CTNNA3: variants seen among roughly 807,000 people sequenced by gnomAD.
The protein encoded by CTNNA3 is catenin alpha 3.
In CTNNA3, 76 loss-of-function variants were observed where a neutral mutation model predicts 95.7. The observed-to-expected ratio is 0.79, with a 90% CI of 0.66 to 0.96. CTNNA3 has a LOEUF of 0.96. Among genes scored for constraint, CTNNA3 ranks in the 40% least tolerant of loss-of-function variants. The pLI is 0.00. For missense variants in CTNNA3, 1,191 were observed against 1,089.8 expected (o/e 1.09, Z -1.31); for synonymous variants, 431 against 374.4 (o/e 1.15, Z -1.74).
intron 5 of CTNNA3, among the ~76,000 whole-genome samples, chr10:67,428,418 G>A (rs1845993587): frequency 6.6e-6 from 1 of 152,012 alleles, no homozygotes; most frequent in African/African-American, 2.4e-5. Flanking sequence ...TAGAATTAGA[G>A]AGATGTAAAT....
intron 12 of CTNNA3, among the ~76,000 whole-genome samples, chr10:66,297,150 T>C (rs145685068): frequency 1.2e-4 from 18 of 152,130 alleles, no homozygotes; most frequent in African/African-American, 4.3e-4. Context: ...AAGAGAAGAA[T>C]GGCAGTAGAT....
At chr10:67,403,135 G>A (rs115244264) in intron 5 of CTNNA3, among the ~76,000 whole-genome samples, 2,500 of 152,276 alleles carry the variant, frequency 0.016, 65 homozygotes, top group African/African-American at 0.057. Context: ...AAACAGTCTG[G>A]ACAAGTAAGG....
intron 11 of CTNNA3, among the ~76,000 whole-genome samples, chr10:66,518,437 C>G (rs545902645): frequency 1.3e-5 from 2 of 152,026 alleles, no homozygotes; most frequent in African/African-American, 4.8e-5. Context: ...CCAAAAGAAC[C>G]GAGAAACAGA....
At chr10:67,482,374 C>T (rs1237558348) in intron 5 of CTNNA3, among the ~76,000 whole-genome samples, 9 of 152,192 alleles carry the variant, frequency 5.9e-5, no homozygotes, top group Admixed American at 1.3e-4. Flanking sequence ...ATTCTTCCTA[C>T]CCATGAGCAT....
At chr10:66,825,782 A>C (rs1842485796) in intron 7 of CTNNA3, among the ~76,000 whole-genome samples, 1 of 151,998 alleles carries the variant, frequency 6.6e-6, no homozygotes, top group Non-Finnish European at 1.5e-5. Context: ...AGGATTGTGG[A>C]GCCCTCATTT....
At chr10:66,437,308 G>A (rs1332535059) in intron 11 of CTNNA3, among the ~76,000 whole-genome samples, 12 of 152,128 alleles carry the variant, frequency 7.9e-5, no homozygotes, top group African/African-American at 2.9e-4. Context: ...CAATCTCCCT[G>A]TTACTTTCAG....
intron 4 of CTNNA3, among the ~76,000 whole-genome samples, chr10:67,539,055 T>A (rs1840577747): frequency 6.6e-6 from 1 of 152,174 alleles, no homozygotes; most frequent in South Asian, 2.1e-4. Context: ...CCTGTAAACA[T>A]GCACTCTTTA....
chr10:66,347,905 T>G (rs1449502194), intron 12 of CTNNA3, among the ~76,000 whole-genome samples: 2 of 152,040 alleles, frequency 1.3e-5, no homozygotes, highest in Non-Finnish European at 2.9e-5. Flanking sequence ...AAATGACATA[T>G]TTGAATAGAA....
At chr10:66,579,929 T>C (rs899673528) in intron 10 of CTNNA3, among the ~76,000 whole-genome samples, 1 of 151,774 alleles carries the variant, frequency 6.6e-6, no homozygotes, top group Non-Finnish European at 1.5e-5. Context: ...TTCAGAAGTT[T>C]GTCTATGGTG....
chr10:66,842,769 G>A (rs1246648411), intron 7 of CTNNA3, among the ~76,000 whole-genome samples: 2 of 152,100 alleles, frequency 1.3e-5, no homozygotes, highest in Non-Finnish European at 2.9e-5. Flanking sequence ...TATATTCAGG[G>A]TTAACTCTTC....
intron 9 of CTNNA3, among the ~76,000 whole-genome samples, chr10:66,759,375 AG>A (rs1360682374): frequency 2.6e-5 from 4 of 152,220 alleles, no homozygotes; most frequent in African/African-American, 9.6e-5. Context: ...AAGAACACCT[AG>A]CCAGGATTCA....
chr10:67,148,655 T>C (rs994627767), intron 7 of CTNNA3, among the ~76,000 whole-genome samples: 2 of 152,152 alleles, frequency 1.3e-5, no homozygotes, highest in African/African-American at 4.8e-5. Flanking sequence ...GACAAACATA[T>C]CACATCAAAA....
At chr10:67,209,923 A>G (rs1289151354) in intron 6 of CTNNA3, among the ~76,000 whole-genome samples, 1 of 152,094 alleles carries the variant, frequency 6.6e-6, no homozygotes, top group Non-Finnish European at 1.5e-5. Flanking sequence ...AAACAGAAAA[A>G]GAGAGACTAA....
chr10:67,036,120 A>C (rs2133126809), intron 7 of CTNNA3, among the ~76,000 whole-genome samples: 1 of 152,236 alleles, frequency 6.6e-6, no homozygotes, highest in Non-Finnish European at 1.5e-5. Context: ...TCTCAATTAT[A>C]ATTGTTTTAC....
intron 9 of CTNNA3, among the ~76,000 whole-genome samples, chr10:66,699,899 T>C (rs4411188): frequency 0.5 from 75,999 of 151,872 alleles, 19,823 homozygotes; most frequent in East Asian, 0.92. Flanking sequence ...TCAGGTGATC[T>C]GCCTGCCTTG....
chr10:66,146,774 C>A (rs1242082518), intron 13 of CTNNA3, among the ~76,000 whole-genome samples: 2 of 152,078 alleles, frequency 1.3e-5, no homozygotes, highest in Non-Finnish European at 2.9e-5. Flanking sequence ...TCAGGCCAGT[C>A]TCAAACTCCT....
At chr10:66,251,484 G>A (rs1490624208) in intron 13 of CTNNA3, among the ~76,000 whole-genome samples, 2 of 152,082 alleles carry the variant, frequency 1.3e-5, no homozygotes, top group East Asian at 3.9e-4. Flanking sequence ...GTTATTCATG[G>A]CTAAATTGGC....
chr10:66,604,583 C>T lies in CTNNA3; in HGVS notation c.1374+17109G>A, dbSNP rs566014690. Among the ~76,000 whole-genome samples the T allele has an allele frequency of 5.3e-4, 81 of 152,182 alleles. 1 individual carries two copies. Among genetic ancestry groups the T allele is most frequent in the Middle Eastern group, 3.4e-3 (1 of 294 alleles). ...ACTGACCAGCATTCTGGGAGTACCT[C>T]GGCCCCCTAGTGTAGCAGATTTCTA... On this transcript the variant is annotated intron_variant, in intron 10 of 17. Coordinates refer to ENST00000433211, the MANE Select transcript of CTNNA3 (RefSeq NM_013266.4).
intron 1 of CTNNA3, among the ~76,000 whole-genome samples, chr10:67,691,819 G>A (rs1043808451): frequency 2.0e-5 from 3 of 146,570 alleles, no homozygotes; most frequent in Admixed American, 6.7e-5. Flanking sequence ...GGGCGCCTCT[G>A]CCCGGCCGCC....
Sources: gnomAD v4.1 joint callset for allele counts (sites outside exome capture counted in the v4.1 genomes callset) on GRCh38, gnomAD v4.1.1 for gene constraint, MANE v1.5 for transcripts, NCBI Gene and HGNC (gene_info 2026-07-23, HGNC 2026-07-21) for gene names.